The following INO80E variants were observed in gnomAD, a reference collection of about 807,000 sequenced individuals.
INO80E encodes the protein coiled-coil domain containing 95.
Under a neutral mutation model 27.3 loss-of-function variants are expected in INO80E, and 20 were observed. The observed-to-expected ratio is 0.73, with a 90% CI of 0.51 to 1.06. The LOEUF (loss-of-function observed/expected upper bound fraction) is 1.06. Ranked by LOEUF, INO80E falls within the 50% of genes least tolerant of loss-of-function variation. The pLI is 0.00. For synonymous variants in INO80E, 167 were observed against 145.9 expected, an observed-to-expected ratio of 1.14 and a Z score of -1.04; for missense variants, 357 against 322.8, an observed-to-expected ratio of 1.11 and a Z score of -0.81.
rs1056115680 is a variant in INO80E at position 30,005,513 on chromosome 16, C to T, written c.*71C>T. On this transcript the variant is annotated 3_prime_UTR_variant, in exon 7 of 7. Transcript: ENST00000563197. The stretch of plus-strand genomic sequence containing the variant: ...CCCGTGCCAGCACACACGAGTCCAG[C>T]TTCCTCGGAGGTGTTTATTGATGCC... The T allele has an allele frequency of 2.1e-6, 3 of 1,416,596 alleles. No homozygotes were observed. The highest frequency in any genetic ancestry group is 4.1e-5 in the Admixed American group (2 of 48,320). 87.8% of individuals were successfully genotyped at this position (1,416,596 alleles called of 1,614,324 possible).
At chr16:30,001,172 G>A in intron 5 of INO80E, 132 bp downstream of exon 5, 1 of 1,473,250 alleles carries the variant, frequency 6.8e-7, no homozygotes. Context: ...GTGTCCCGTG[G>A]AGGGTGTGAG....
At chr16:29,997,986 C>G (rs905633774) in intron 3 of INO80E, among the ~76,000 whole-genome samples, 2 of 151,570 alleles carry the variant, frequency 1.3e-5, no homozygotes, top group African/African-American at 4.9e-5. Flanking sequence ...GGAGGCAGAA[C>G]CAGGAGGATC....
At chr16:29,996,777 T>A (rs1200630687) in intron 2 of INO80E, 31 bp from the exon 3 acceptor site, 2 of 1,612,846 alleles carry the variant, frequency 1.2e-6, no homozygotes, top group Non-Finnish European at 1.7e-6. Flanking sequence ...CGCTGGAAAA[T>A]CACTGTCCGT....
intron 6 of INO80E, chr16:30,001,735 C>G (rs1340858536): frequency 1.8e-6 from 1 of 544,310 alleles, no homozygotes; most frequent in Non-Finnish European, 3.3e-6. Context: ...CCTTGGAGGA[C>G]CCGGTGTGCA....
chr16:30,001,672 C>G, intron 6 of INO80E, 142 bp downstream of exon 6: 1 of 750,114 alleles, frequency 1.3e-6, no homozygotes, highest in Non-Finnish European at 2.2e-6. Flanking sequence ...AGGGGTGGAT[C>G]ACAGAAGTCT....
chr16:30,001,554 G>A, intron 6 of INO80E, 24 bp downstream of exon 6: 1 of 1,602,894 alleles, frequency 6.2e-7, no homozygotes. Flanking sequence ...GGGGTGCTAG[G>A]GAGGGGCAGG....
intron 6 of INO80E, 115 bp from the exon 7 acceptor site, chr16:30,005,106 C>T (rs2070512676): frequency 1.7e-6 from 2 of 1,180,248 alleles, no homozygotes; most frequent in Non-Finnish European, 2.3e-6. Context: ...GTTGGCCCAG[C>T]TGTGCCCAGG....
rs2070360211 is a variant in INO80E at position 30,001,629 on chromosome 16, T to C, written c.513+99T>C. 6 of 1,154,722 alleles carry C rather than the reference T, an allele frequency of 5.2e-6. No homozygotes were observed. In the South Asian group the frequency reaches 8.6e-5, roughly 17 times the overall value. 71.5% of individuals were successfully genotyped at this position (1,154,722 alleles called of 1,614,324 possible). A position where few individuals can be genotyped will look rare whatever the true frequency, so the allele number is the denominator to read the frequency against. On this transcript the variant is annotated intron_variant, in intron 6 of 6. Transcript: ENST00000563197. ...GGGCCTGTCAGAGAACCATGAACAG[T>C]TAATTTGGGGACCCAGTCAGCACTT...
chr16:30,001,648 A>C, intron 6 of INO80E, 118 bp downstream of exon 6: 1 of 884,456 alleles, frequency 1.1e-6, no homozygotes, highest in Non-Finnish European at 1.7e-6. Flanking sequence ...GGACCCAGTC[A>C]GCACTTAGCA....
intron 3 of INO80E, among the ~76,000 whole-genome samples, chr16:29,998,724 A>T (rs1213467605): frequency 6.6e-6 from 1 of 152,150 alleles, no homozygotes; most frequent in African/African-American, 2.4e-5. Context: ...CATGTCACGT[A>T]GAATCACCTC....
rs1382406561 is a variant in INO80E, at chr16:30,005,507, G to A, written c.*65G>A. 3 of 1,442,604 alleles carry A rather than the reference G, an allele frequency of 2.1e-6. No individual in the cohort carries two copies. Among genetic ancestry groups the A allele is most frequent in the East Asian group, 2.5e-5 (1 of 39,768 alleles). The allele number at this position is 1,442,604 out of a possible 1,614,324, so 89.4% of individuals were successfully genotyped here. A position where few individuals can be genotyped will look rare whatever the true frequency, so the allele number is the denominator to read the frequency against. On this transcript the variant is annotated 3_prime_UTR_variant, in exon 7 of 7. Transcript: ENST00000563197. ...GCCCTCCCCGTGCCAGCACACACGA[G>A]TCCAGCTTCCTCGGAGGTGTTTATT...
intron 6 of INO80E, chr16:30,001,845 G>C (rs2070368710): frequency 2.8e-6 from 1 of 353,770 alleles, no homozygotes; most frequent in African/African-American, 2.1e-5. Flanking sequence ...CCCAGACCGG[G>C]TCAGGATTAT....
At chr16:29,997,493 C>A (rs1393438707) in intron 3 of INO80E, among the ~76,000 whole-genome samples, 1 of 151,876 alleles carries the variant, frequency 6.6e-6, no homozygotes, top group Non-Finnish European at 1.5e-5. Context: ...CAGTGGCCCA[C>A]GCCTGTAATC....
In INO80E at chr16:29,996,836, G is replaced by A. The variant is rs761346635; in HGVS notation, c.181G>A (p.Glu61Lys). ...SFLLDRLLQY[E>K]NVDEDSSDSD... ...CCTCCTAGACCGACTTCTGCAGTAC[G>A]AGAACGTGGATGAAGACTCTTCGGG... The change falls in exon 3 of 7, where the codon GAG (glutamate) becomes AAG (lysine). Residue 61 changes from glutamate to lysine, a missense_variant. Glu to Lys is a moderately conservative substitution (Grantham distance 56). Coordinates refer to ENST00000563197, the MANE Select transcript of INO80E (RefSeq NM_173618.3). 6.8e-6 allele frequency: 11 copies of A among 1,614,052 alleles called. No individual in the cohort carries two copies. The highest frequency in any genetic ancestry group is 1.3e-5 in the African/African-American group (1 of 74,922).
intron 2 of INO80E, 25 bp from the exon 3 acceptor site, chr16:29,996,783 T>C (rs2070136645): frequency 3.7e-6 from 6 of 1,613,358 alleles, no homozygotes; most frequent in Non-Finnish European, 5.1e-6. Flanking sequence ...AAAATCACTG[T>C]CCGTGTCTCC....
At chr16:30,004,975 C>T (rs2070503304) in intron 6 of INO80E, among the ~76,000 whole-genome samples, 1 of 152,184 alleles carries the variant, frequency 6.6e-6, no homozygotes, top group African/African-American at 2.4e-5. Flanking sequence ...CCGGGCCTTT[C>T]CCTCCCGGTT....
chr16:29,996,262 G>A lies in INO80E; in HGVS notation c.-49G>A, dbSNP rs1458345672. ...AGGCGGGAGCGGCACGGCAGCCACT[G>A]CTTGGGGTAGCGGGAGGGCAGACTC... On this transcript the variant is annotated 5_prime_UTR_variant, in exon 1 of 7. Transcript: ENST00000563197. 1 of 1,537,836 alleles carries A rather than the reference G, an allele frequency of 6.5e-7. No homozygotes were observed. Among genetic ancestry groups the A allele is most frequent in the Non-Finnish European group, 8.8e-7 (1 of 1,134,566 alleles).
At chr16:29,997,264 G>C (rs1313576386) in intron 3 of INO80E, among the ~76,000 whole-genome samples, 1 of 152,188 alleles carries the variant, frequency 6.6e-6, no homozygotes, top group Admixed American at 6.5e-5. Context: ...CAGATGGTAA[G>C]TAAGCTTTTT....
chr16:29,996,368 C>T lies in INO80E; in HGVS notation c.58C>T (p.Arg20Trp). The change falls in exon 1 of 7, where the codon CGG (arginine) becomes TGG (tryptophan). Residue 20 changes from arginine (R) to tryptophan (W), a missense_variant. By Grantham distance (101) the Arg-to-Trp change is moderately radical (BLOSUM62 -3). Coordinates refer to ENST00000563197, the MANE Select transcript of INO80E (RefSeq NM_173618.3). ...CAAAAAAAAATACCGGAATCTGAAG[C>T]GGAAGCTCAAGTTCCTCATCTACGT... is the stretch of plus-strand genomic sequence containing the variant. Reference protein sequence around the residue: ...DYKKKYRNLKRKLKFLIYEHE... With the variant: ...DYKKKYRNLKWKLKFLIYEHE... 2.5e-6 allele frequency: 4 copies of T among 1,597,144 alleles called. No homozygotes were observed. The highest frequency in any genetic ancestry group is 3.4e-6 in the Non-Finnish European group (4 of 1,171,742).
Sources: allele counts gnomAD v4.1 joint callset (sites outside exome capture counted in the v4.1 genomes callset), GRCh38; gene constraint gnomAD v4.1.1; transcripts MANE v1.5; gene names NCBI Gene and HGNC (gene_info 2026-07-23, HGNC 2026-07-21).